The following PKHD1 variants were observed in gnomAD, a reference collection of about 807,000 sequenced individuals.
PKHD1 encodes fibrocystin.
A neutral mutation model predicts 412.0 loss-of-function variants in PKHD1; 291 were observed. The observed-to-expected ratio is 0.71, with a 90% CI of 0.64 to 0.78. The LOEUF is 0.78. PKHD1 is among the 30% of genes least tolerant of loss of function. The pLI is 0.00. For synonymous variants in PKHD1, 1,777 were observed against 1,821.5 expected (o/e 0.98, Z 0.62); for missense variants, 4,825 against 4,950.7 (o/e 0.97, Z 0.76).
At chr6:51,952,727 C>G (rs892719564) in intron 36 of PKHD1, among the ~76,000 whole-genome samples, 2 of 152,020 alleles carry the variant, frequency 1.3e-5, no homozygotes, top group African/African-American at 2.4e-5. Flanking sequence ...ATGAAGACAC[C>G]CAAGAGTTAA....
rs774564816 is a variant in PKHD1 at position 51,893,936 on chromosome 6, C to T, written c.6997-6691G>A. Reference sequence around the variant, plus strand: ...AGGGCTCTTCTTCAGAGTTTTTCCACGGACTATCCTAAACAGGGGTCTGGT... The same window carrying T: ...AGGGCTCTTCTTCAGAGTTTTTCCATGGACTATCCTAAACAGGGGTCTGGT... On this transcript the variant is annotated intron_variant, in intron 43 of 66. Transcript: ENST00000371117. 4.6e-5 allele frequency among the ~76,000 whole-genome samples: 7 copies of T among 152,170 alleles called. No homozygotes were observed. In the East Asian group the frequency reaches 7.7e-4, roughly 17 times the overall value.
intron 55 of PKHD1, among the ~76,000 whole-genome samples, chr6:51,761,925 T>G (rs9382009): frequency 0.32 from 48,492 of 151,820 alleles, 9,611 homozygotes; most frequent in East Asian, 0.7. Flanking sequence ...GCTCCTTACC[T>G]AGTTTCTTAG....
intron 33 of PKHD1, among the ~76,000 whole-genome samples, chr6:52,022,095 T>G (rs1477487720): frequency 6.6e-6 from 1 of 152,214 alleles, no homozygotes; most frequent in Admixed American, 6.5e-5. Context: ...TTTGACTTTA[T>G]TTCCTGAAGC....
Position 52,062,628 on chromosome 6 carries a change from C to T in PKHD1, c.1009G>A (p.Ala337Thr), listed in dbSNP as rs375462398. The T allele has an allele frequency of 6.2e-7, 1 of 1,614,142 alleles. No homozygotes were observed. The highest frequency in any genetic ancestry group is 8.5e-7 in the Non-Finnish European group (1 of 1,179,978). Residue 337 changes from alanine to threonine, a missense_variant, in exon 14 of 67, where the codon GCT becomes ACT. Physicochemically the swap from Ala to Thr is moderately conservative, Grantham distance 58. Coordinates refer to ENST00000371117, the MANE Select transcript of PKHD1 (RefSeq NM_138694.4). ...TCAGTCAGTTCCAGTCCCTCAACAG[C>T]ATCTCCAACTTCAAAAAGAAGCCCT... ...NRGLLFEVGD[A>T]VEGLELTEAT...
At chr6:52,065,217 T>G (rs1582059778) in intron 12 of PKHD1, among the ~76,000 whole-genome samples, 167 bp from the exon 13 acceptor site, 1 of 62,024 alleles carries the variant, frequency 1.6e-5, no homozygotes, top group Non-Finnish European at 3.3e-5. Context: ...AGAGAGGCAG[T>G]CGGGAGATGT....
In PKHD1 at chr6:51,856,002, T is replaced by C. The variant is rs1423175594; in HGVS notation, c.7802A>G (p.Asn2601Ser). The C allele has an allele frequency of 1.2e-6, 2 of 1,608,552 alleles. No individual in the cohort carries two copies. The highest frequency in any genetic ancestry group is 2.2e-5 in the East Asian group (1 of 44,830). ...TDSRNKTTTV[N>S]YVRDTLSNPR... is the part of the protein sequence containing the mutation. ...GTTAGACAATGTATCACGTACATAATTGACAGTGGTTGTTTTATTTCTGCT... is the reference window on the plus strand; with the variant it reads ...GTTAGACAATGTATCACGTACATAACTGACAGTGGTTGTTTTATTTCTGCT... Residue 2601 changes from asparagine (N) to serine (S), a missense_variant, in exon 49 of 67, where the codon AAT (asparagine) becomes AGT (serine). Asn to Ser is a conservative substitution (Grantham distance 46, BLOSUM62 1). Coordinates refer to ENST00000371117, the MANE Select transcript of PKHD1 (RefSeq NM_138694.4).
chr6:52,032,121 G>C (rs1803145656), intron 29 of PKHD1, among the ~76,000 whole-genome samples: 1 of 152,080 alleles, frequency 6.6e-6, no homozygotes, highest in Non-Finnish European at 1.5e-5. Flanking sequence ...TGCATTATCT[G>C]AGCTGAATAA....
At chr6:51,740,783 C>T (rs1466187634) in intron 60 of PKHD1, among the ~76,000 whole-genome samples, 1 of 152,174 alleles carries the variant, frequency 6.6e-6, no homozygotes, top group African/African-American at 2.4e-5. Context: ...TACTGCAATC[C>T]TGTCAGCACC....
chr6:51,728,056 C>T (rs1782795430), intron 60 of PKHD1, among the ~76,000 whole-genome samples: 1 of 152,166 alleles, frequency 6.6e-6, no homozygotes, highest in Non-Finnish European at 1.5e-5. Context: ...GCCTTATGCA[C>T]ATTTATTTAC....
At chr6:51,629,205 A>T (rs1430062667) in intron 65 of PKHD1, among the ~76,000 whole-genome samples, 2 of 152,052 alleles carry the variant, frequency 1.3e-5, no homozygotes, top group Admixed American at 1.3e-4. Flanking sequence ...AAACATAAAT[A>T]AAAAAAGTGG....
intron 60 of PKHD1, among the ~76,000 whole-genome samples, chr6:51,686,684 G>A (rs1420241971): frequency 6.6e-6 from 1 of 152,160 alleles, no homozygotes; most frequent in Non-Finnish European, 1.5e-5. Flanking sequence ...TATGAGAGCA[G>A]GGTTATTTGT....
At chr6:51,635,299 A>G (rs528901540) in intron 64 of PKHD1, among the ~76,000 whole-genome samples, 41 of 152,280 alleles carry the variant, frequency 2.7e-4, no homozygotes, top group African/African-American at 9.9e-4. Context: ...TTTGTATAGA[A>G]CACAAAAATG....
At chr6:52,053,848 T>G (rs1807274242) in intron 20 of PKHD1, among the ~76,000 whole-genome samples, 190 bp downstream of exon 20, 2 of 152,144 alleles carry the variant, frequency 1.3e-5, no homozygotes, top group Admixed American at 6.5e-5. Context: ...CTCTAGGGAG[T>G]AGTATATTCT....
chr6:51,726,167 T>C (rs544451331), intron 60 of PKHD1, among the ~76,000 whole-genome samples: 18 of 152,288 alleles, frequency 1.2e-4, no homozygotes, highest in African/African-American at 4.1e-4. Context: ...TTCTTTATTA[T>C]AGAAGTTCAC....
At chr6:51,741,108 A>G (rs745335574) in intron 60 of PKHD1, 4 of 518,852 alleles carry the variant, frequency 7.7e-6, no homozygotes, top group African/African-American at 7.7e-5. Flanking sequence ...AAGAACTGAG[A>G]AAAAGCAAAT....
At chr6:51,902,876 A>G (rs1006638664) in intron 43 of PKHD1, among the ~76,000 whole-genome samples, 4 of 152,202 alleles carry the variant, frequency 2.6e-5, no homozygotes, top group Admixed American at 2.6e-4. Context: ...TTTAAAAATC[A>G]AGGTTATTGA....
chr6:51,629,121 A>C (rs1202718169), intron 65 of PKHD1, among the ~76,000 whole-genome samples: 1 of 152,162 alleles, frequency 6.6e-6, no homozygotes, highest in East Asian at 1.9e-4. Flanking sequence ...GTAGAAAAAA[A>C]CCTAAGAAAT....
intron 43 of PKHD1, among the ~76,000 whole-genome samples, chr6:51,890,777 A>C (rs1348710915): frequency 6.6e-6 from 1 of 152,212 alleles, no homozygotes; most frequent in Non-Finnish European, 1.5e-5. Context: ...TCTCAAGAGT[A>C]GGAAGAAGAC....
intron 35 of PKHD1, among the ~76,000 whole-genome samples, chr6:51,996,231 G>A (rs938697743): frequency 4.3e-5 from 6 of 138,662 alleles, no homozygotes; most frequent in Non-Finnish European, 1.5e-5. Flanking sequence ...GGATAGTCTC[G>A]ATCTCCTGAC....
Sources: allele counts gnomAD v4.1 joint callset (sites outside exome capture counted in the v4.1 genomes callset), GRCh38; gene constraint gnomAD v4.1.1; transcripts MANE v1.5; gene names NCBI Gene and HGNC (gene_info 2026-07-23, HGNC 2026-07-21).